The following CSNK1G1 variants were observed in gnomAD, a reference collection of about 807,000 sequenced individuals.
CSNK1G1 encodes the protein casein kinase 1 gamma 1.
CSNK1G1 carries 22 observed loss-of-function variants against 59.6 expected under a neutral mutation model. The observed-to-expected ratio is 0.37, with a 90% CI of 0.26 to 0.53. The LOEUF (loss-of-function observed/expected upper bound fraction) is 0.53. Among genes scored for constraint, CSNK1G1 ranks in the 20% least tolerant of loss-of-function variants. The pLI is 0.89. For missense variants in CSNK1G1, 384 were observed against 519.5 expected (o/e 0.74, Z 2.54); for synonymous variants, 179 against 177.1 (o/e 1.01, Z -0.08).
At position 64,319,134 on chromosome 15, in the gene CSNK1G1, G is replaced by A. The variant is rs1192439338; in HGVS notation, c.-224-18411C>T. Among the ~76,000 whole-genome samples the A allele has an allele frequency of 2.6e-5, 4 of 152,192 alleles. No individual in the cohort carries two copies. In the South Asian group the frequency reaches 6.2e-4, roughly 24 times the overall value. ...TCCCAAAGTGCTGGAATTAACAAGC[G>A]TGAGCTACTGCGCCTGACCTAAACT... On this transcript the variant is annotated intron_variant, in intron 1 of 11. Coordinates refer to ENST00000303052, the MANE Select transcript of CSNK1G1 (RefSeq NM_022048.5).
At chr15:64,265,641 C>G (rs528550097) in intron 2 of CSNK1G1, 48 of 336,700 alleles carry the variant, frequency 1.4e-4, no homozygotes, top group South Asian at 1.1e-3. Context: ...ATACAGAAGA[C>G]AATCCCATTT....
At chr15:64,335,481 A>G (rs370316196) in intron 1 of CSNK1G1, among the ~76,000 whole-genome samples, 1 of 152,172 alleles carries the variant, frequency 6.6e-6, no homozygotes, top group East Asian at 1.9e-4. Context: ...GACTGCCTAT[A>G]GAAACACAAA....
intron 4 of CSNK1G1, among the ~76,000 whole-genome samples, chr15:64,249,941 T>C (rs1402242579): frequency 6.6e-6 from 1 of 152,184 alleles, no homozygotes; most frequent in Non-Finnish European, 1.5e-5. Context: ...AACTGGCCTG[T>C]CCACTTCCCC....
chr15:64,265,975 T>C (rs187592500), intron 2 of CSNK1G1: 42 of 343,006 alleles, frequency 1.2e-4, no homozygotes, highest in African/African-American at 8.2e-4. Flanking sequence ...TCCTAGCTAG[T>C]AGGTAGACTG....
chr15:64,319,371 C>T (rs1176599065), intron 1 of CSNK1G1, among the ~76,000 whole-genome samples: 2 of 151,878 alleles, frequency 1.3e-5, no homozygotes, highest in Non-Finnish European at 2.9e-5. Context: ...AACGCATCTA[C>T]TCTCAAAGGA....
intron 2 of CSNK1G1, among the ~76,000 whole-genome samples, chr15:64,264,111 A>C (rs1471009713): frequency 2.6e-5 from 4 of 152,204 alleles, no homozygotes; most frequent in Non-Finnish European, 5.9e-5. Flanking sequence ...ATAAAAAAGA[A>C]AGGCTAGTTT....
In CSNK1G1 at chr15:64,277,959, GAAT is replaced by G. The variant is rs986198124; in HGVS notation, c.182-18721_182-18719del. 1.6e-4 allele frequency among the ~76,000 whole-genome samples: 23 copies of G among 140,594 alleles called. 1 individual carries two copies. Among genetic ancestry groups the G allele is most frequent in the East Asian group, 1.4e-3 (7 of 4,930 alleles). The allele number at this position is 140,594 out of a possible 152,430, so 92.2% of individuals were successfully genotyped here. ...ATAATATATTAATATTGATATAGTT[GAAT>G]AATATATTAATATTGATATATTCGA... On this transcript the variant is annotated intron_variant, in intron 2 of 11. Coordinates refer to ENST00000303052, the MANE Select transcript of CSNK1G1 (RefSeq NM_022048.5).
rs540372020 is a variant in CSNK1G1 at position 64,333,529 on chromosome 15, A to G, written c.-225+22459T>C. On this transcript the variant is annotated intron_variant, in intron 1 of 11. Coordinates refer to ENST00000303052, the MANE Select transcript of CSNK1G1 (RefSeq NM_022048.5). ...ACAAGGTCTATAAAATAACATAATG[A>G]GGACAACAAAGTGTCTAGGTAACAA... 5.3e-5 allele frequency among the ~76,000 whole-genome samples: 8 copies of G among 151,820 alleles called. 1 individual carries two copies. Among genetic ancestry groups the G allele is most frequent in the African/African-American group, 1.7e-4 (7 of 41,478 alleles).
rs2082278786 is a variant in CSNK1G1 at position 64,213,894 on chromosome 15, G to A, written c.675C>T (p.Gly225=). The change falls in exon 6 of 12, where the codon GGC becomes GGT. Residue 225 remains glycine (G), a synonymous_variant. Transcript: ENST00000303052. ...ARYMSINTHL[G]KEQSRRDDLE... is the part of the protein sequence containing the mutation. ...ATGGAACAGAAAAAAACACACCTTT[G>A]CCAAGATGCGTGTTGATAGACATAT... 1 of 1,607,348 alleles carries A rather than the reference G, an allele frequency of 6.2e-7. No homozygotes were observed. The highest frequency in any genetic ancestry group is 8.5e-7 in the Non-Finnish European group (1 of 1,173,930).
intron 1 of CSNK1G1, among the ~76,000 whole-genome samples, chr15:64,329,714 C>A: frequency 2.0e-5 from 1 of 50,526 alleles, no homozygotes; most frequent in East Asian, 5.1e-4. Context: ...AAAAACCCTT[C>A]AAAAAATCAA....
intron 1 of CSNK1G1, among the ~76,000 whole-genome samples, chr15:64,303,331 T>C (rs1002088552): frequency 6.7e-6 from 1 of 149,212 alleles, no homozygotes; most frequent in Non-Finnish European, 1.5e-5. Flanking sequence ...AAGCCAAAAA[T>C]TGGCTGGGCA....
rs77442042 is a variant in CSNK1G1 at position 64,307,284 on chromosome 15, C to A, written c.-224-6561G>T. Among the ~76,000 whole-genome samples, 1,262 of 152,194 alleles carry A rather than the reference C, an allele frequency of 8.3e-3. 17 individuals are homozygous for A. The highest frequency in any genetic ancestry group is 0.029 in the African/African-American group (1,208 of 41,530). ...GAACTCTGTACTCTCCACTCCATTT[C>A]TCTGTAAACCTAAAACTGTACCCAA... On this transcript the variant is annotated intron_variant, in intron 1 of 11. Transcript: ENST00000303052.
intron 1 of CSNK1G1, among the ~76,000 whole-genome samples, chr15:64,334,411 G>C (rs373130794): frequency 1.1e-4 from 17 of 152,194 alleles, no homozygotes; most frequent in South Asian, 6.2e-4. Context: ...TGGAGGGCAG[G>C]GGGGAATGGT....
intron 1 of CSNK1G1, among the ~76,000 whole-genome samples, chr15:64,313,817 A>T (rs781001134): frequency 2.6e-5 from 4 of 151,464 alleles, no homozygotes; most frequent in Non-Finnish European, 4.4e-5. Flanking sequence ...CCAAAAACCA[A>T]GAACTTTTTT....
intron 1 of CSNK1G1, among the ~76,000 whole-genome samples, chr15:64,319,290 G>C (rs1896435737): frequency 1.3e-5 from 2 of 152,082 alleles, no homozygotes; most frequent in Non-Finnish European, 1.5e-5. Flanking sequence ...ACTTTGAGCT[G>C]GTTTCTCACT....
chr15:64,165,644 A>G lies in CSNK1G1; in HGVS notation c.*6287T>C. ...GTTCACAGGAGTCTTGAATCGCATC[A>G]AAGTTAGTCCTAGCTAGATTGTTAA... On this transcript the variant is annotated 3_prime_UTR_variant, in exon 12 of 12. Coordinates refer to ENST00000303052, the MANE Select transcript of CSNK1G1 (RefSeq NM_022048.5). 5.8e-6 allele frequency: 1 copy of G among 172,590 alleles called. No individual in the cohort carries two copies. Among genetic ancestry groups the G allele is most frequent in the Non-Finnish European group, 1.2e-5 (1 of 81,872 alleles). 10.7% of individuals were successfully genotyped at this position (172,590 alleles called of 1,614,324 possible). A position where few individuals can be genotyped will look rare whatever the true frequency, so the allele number is the denominator to read the frequency against.
intron 2 of CSNK1G1, among the ~76,000 whole-genome samples, chr15:64,285,212 G>A (rs1187741505): frequency 6.6e-6 from 1 of 152,002 alleles, no homozygotes; most frequent in Admixed American, 6.6e-5. Flanking sequence ...GAAATAGAAT[G>A]TAGCCATTAA....
At chr15:64,173,370 T>A (rs2081698821) in intron 11 of CSNK1G1, among the ~76,000 whole-genome samples, 1 of 152,172 alleles carries the variant, frequency 6.6e-6, no homozygotes, top group South Asian at 2.1e-4. Flanking sequence ...CATGAAAATT[T>A]TAGAAATAGG....
intron 1 of CSNK1G1, among the ~76,000 whole-genome samples, chr15:64,302,832 A>G (rs749038404): frequency 5.9e-5 from 9 of 152,192 alleles, no homozygotes; most frequent in Non-Finnish European, 1.2e-4. Flanking sequence ...TATCACTACA[A>G]TAGCCTCATT....
Sources: allele counts gnomAD v4.1 joint callset (sites outside exome capture counted in the v4.1 genomes callset), GRCh38; gene constraint gnomAD v4.1.1; transcripts MANE v1.5; gene names NCBI Gene and HGNC (gene_info 2026-07-23, HGNC 2026-07-21).